Variants in GRIP1 observed in about 807,000 individuals in gnomAD.
GRIP1 encodes glutamate receptor-interacting protein 1.
In GRIP1, 45 loss-of-function variants were observed where a neutral mutation model predicts 129.9. The observed-to-expected ratio is 0.35, with a 90% confidence interval of 0.27 to 0.44. The LOEUF (loss-of-function observed/expected upper bound fraction) is 0.44. Among genes scored for constraint, GRIP1 ranks in the 20% least tolerant of loss-of-function variants. The probability of loss-of-function intolerance (pLI) is 1.00; values close to 1 mark genes in which losing one functional copy is unlikely to be tolerated. For missense variants in GRIP1, 1,196 were observed against 1,396.8 expected, an observed-to-expected ratio of 0.86 and a Z score of 2.29; for synonymous variants, 530 against 520.8, an observed-to-expected ratio of 1.02 and a Z score of -0.24.
chr12:66,417,531 T>G (rs1243306750), intron 15 of GRIP1, among the ~76,000 whole-genome samples: 1 of 152,114 alleles, frequency 6.6e-6, no homozygotes, highest in Non-Finnish European at 1.5e-5. Context: ...TGATCTTATA[T>G]TTGGAAAAAC....
chr12:66,409,236 G>A (rs192459354), intron 15 of GRIP1, among the ~76,000 whole-genome samples: 15 of 152,286 alleles, frequency 9.8e-5, no homozygotes, highest in African/African-American at 1.9e-4. Flanking sequence ...GTACCACGTT[G>A]GCTTCAGGTC....
chr12:66,540,632 T>C (rs1206205044), intron 3 of GRIP1, among the ~76,000 whole-genome samples: 1 of 152,228 alleles, frequency 6.6e-6, no homozygotes, highest in Non-Finnish European at 1.5e-5. Flanking sequence ...TTATAAATTG[T>C]ACAAACAGGT....
intron 2 of GRIP1, among the ~76,000 whole-genome samples, chr12:66,580,780 G>C (rs1166867713): frequency 6.6e-6 from 1 of 151,452 alleles, no homozygotes; most frequent in Non-Finnish European, 1.5e-5. Context: ...GACCTACAAA[G>C]AGACTTAGAC....
In GRIP1 at chr12:66,412,195, C is replaced by T. The variant is rs559732285; in HGVS notation, c.1839-5767G>A. Among the ~76,000 whole-genome samples, 6 of 152,040 alleles carry T rather than the reference C, an allele frequency of 3.9e-5. No individual in the cohort carries two copies. The South Asian group carries it at 1.0e-3, about 26-fold the overall frequency. On this transcript the variant is annotated intron_variant, in intron 15 of 24. Coordinates refer to ENST00000359742, the MANE Select transcript of GRIP1 (RefSeq NM_001366722.1). The stretch of plus-strand genomic sequence containing the variant: ...ACATAATCGTTGGATTCTCCAAGGT[C>T]GAAATGAAAGAAAAAAATGTTAAGC...
intron 5 of GRIP1, among the ~76,000 whole-genome samples, chr12:66,526,571 A>G (rs2139053815): frequency 6.6e-6 from 1 of 152,342 alleles, no homozygotes; most frequent in African/African-American, 2.4e-5. Context: ...AAAACAATAA[A>G]AACCCTAGAA....
intron 1 of GRIP1, among the ~76,000 whole-genome samples, chr12:66,746,984 C>T (rs1462457234): frequency 1.3e-5 from 2 of 152,148 alleles, no homozygotes; most frequent in Admixed American, 1.3e-4. Context: ...AAGCCACATT[C>T]ATCTGAGTTA....
At chr12:66,988,652 C>G (rs753523592) in intron 1 of GRIP1, among the ~76,000 whole-genome samples, 1 of 152,142 alleles carries the variant, frequency 6.6e-6, no homozygotes, top group Non-Finnish European at 1.5e-5. Flanking sequence ...GCTGGGATTA[C>G]GGGTTTGAGC....
intron 1 of GRIP1, among the ~76,000 whole-genome samples, chr12:66,656,030 C>A (rs560311201): frequency 6.6e-6 from 1 of 152,050 alleles, no homozygotes; most frequent in East Asian, 1.9e-4. Flanking sequence ...ATTGATTTGA[C>A]ACCTATAAAT....
intron 7 of GRIP1, among the ~76,000 whole-genome samples, chr12:66,494,149 T>G (rs1405793807): frequency 6.6e-6 from 1 of 152,194 alleles, no homozygotes; most frequent in Non-Finnish European, 1.5e-5. Context: ...CTCAGAACTC[T>G]CTTAGGTGCT....
At chr12:66,503,184 TG>T (rs2060437890) in intron 7 of GRIP1, among the ~76,000 whole-genome samples, 1 of 151,982 alleles carries the variant, frequency 6.6e-6, no homozygotes, top group Non-Finnish European at 1.5e-5. Context: ...CACTTAAAAT[TG>T]GTAATTGGCT....
chr12:66,837,215 C>T (rs12309707), intron 1 of GRIP1, among the ~76,000 whole-genome samples: 24,608 of 152,074 alleles, frequency 0.16, 2,143 homozygotes, highest in East Asian at 0.37. Context: ...AACAGGCCTG[C>T]GGGATGCAAA....
intron 1 of GRIP1, among the ~76,000 whole-genome samples, chr12:66,724,763 G>GA (rs1774786413): frequency 6.6e-6 from 1 of 152,144 alleles, no homozygotes; most frequent in Non-Finnish European, 1.5e-5. Context: ...GCTGCTCAGT[G>GA]AAAAAACCCA....
rs141354378 is a variant in GRIP1, at chr12:66,994,179, T to C, written c.58+74871A>G. ...TCCTGAGGCCAGTATTGCCCTGATATCAAAACCAGACAAGTGGGAAAAAAA... is the reference window on the plus strand; with the variant it reads ...TCCTGAGGCCAGTATTGCCCTGATACCAAAACCAGACAAGTGGGAAAAAAA... On this transcript the variant is annotated intron_variant, in intron 1 of 1. Transcript: ENST00000643019. Among the ~76,000 whole-genome samples the C allele has an allele frequency of 4.7e-3, 701 of 150,066 alleles. 5 individuals are homozygous for C. Among genetic ancestry groups the C allele is most frequent in the Middle Eastern group, 0.031 (9 of 290 alleles).
intron 13 of GRIP1, among the ~76,000 whole-genome samples, chr12:66,441,098 C>T (rs2058460009): frequency 6.6e-6 from 1 of 152,232 alleles, no homozygotes; most frequent in Non-Finnish European, 1.5e-5. Context: ...TGCAATCTGA[C>T]TTCCGCCCCT....
intron 20 of GRIP1, 103 bp from the exon 21 acceptor site, chr12:66,377,388 C>T (rs531553227): frequency 7.6e-5 from 60 of 789,754 alleles, no homozygotes; most frequent in South Asian, 5.2e-4. Context: ...AGTGCAGTGG[C>T]GCAATCTCGG....
intron 1 of GRIP1, among the ~76,000 whole-genome samples, chr12:66,937,891 C>T (rs894177411): frequency 1.3e-5 from 2 of 152,024 alleles, no homozygotes; most frequent in African/African-American, 4.8e-5. Context: ...TGAGAAATTG[C>T]AGAGGAAACA....
intron 1 of GRIP1, among the ~76,000 whole-genome samples, chr12:66,638,889 C>T (rs1237000629): frequency 6.6e-6 from 1 of 152,172 alleles, no homozygotes; most frequent in Non-Finnish European, 1.5e-5. Flanking sequence ...AGGGACAATA[C>T]TCAACAGCTC....
intron 13 of GRIP1, among the ~76,000 whole-genome samples, chr12:66,437,400 GTC>G (rs2138025807): frequency 1.3e-5 from 2 of 152,288 alleles, no homozygotes; most frequent in South Asian, 4.1e-4. Context: ...AACTAGTGAT[GTC>G]TGTCATGAGG....
chr12:66,903,549 G>T (rs183500538), intron 1 of GRIP1, among the ~76,000 whole-genome samples: 4 of 152,178 alleles, frequency 2.6e-5, no homozygotes, highest in Non-Finnish European at 1.5e-5. Context: ...TTTGCCTAAT[G>T]AAATTCTTGA....
Sources: gnomAD v4.1 joint callset for allele counts (sites outside exome capture counted in the v4.1 genomes callset) on GRCh38, gnomAD v4.1.1 for gene constraint, MANE v1.5 for transcripts, NCBI Gene and HGNC (gene_info 2026-07-23, HGNC 2026-07-21) for gene names.